OPCML: variants seen among roughly 807,000 people sequenced by gnomAD.
OPCML encodes opioid binding protein/cell adhesion molecule like.
Under a neutral mutation model 37.8 loss-of-function variants are expected in OPCML, and 13 were observed. That is an observed-to-expected ratio of 0.34 (90% CI 0.22 to 0.55). The LOEUF (loss-of-function observed/expected upper bound fraction) is 0.55. Among genes scored for constraint, OPCML ranks in the 20% least tolerant of loss-of-function variants. The pLI is 0.91. For missense variants in OPCML, 341 were observed against 435.6 expected (o/e 0.78, Z 1.93); for synonymous variants, 176 against 168.8 (o/e 1.04, Z -0.33).
chr11:132,708,851 G>A (rs1003942441), intron 2 of OPCML, among the ~76,000 whole-genome samples: 27 of 152,094 alleles, frequency 1.8e-4, no homozygotes, highest in African/African-American at 4.3e-4. Flanking sequence ...GATATTAAAC[G>A]ATAATGAAAA....
intron 1 of OPCML, among the ~76,000 whole-genome samples, chr11:133,141,053 A>G (rs904502064): frequency 1.1e-4 from 5 of 44,208 alleles, no homozygotes; most frequent in Non-Finnish European, 1.3e-4. Flanking sequence ...GACGACGAAG[A>G]AGAAGAAGAA....
At chr11:133,445,901 G>C (rs1177697707) in intron 1 of OPCML, among the ~76,000 whole-genome samples, 2 of 152,110 alleles carry the variant, frequency 1.3e-5, no homozygotes, top group Non-Finnish European at 2.9e-5. Flanking sequence ...ATGGGGCTGA[G>C]AAGGAAGGGG....
intron 1 of OPCML, among the ~76,000 whole-genome samples, chr11:133,051,182 C>T (rs896740063): frequency 6.6e-6 from 1 of 152,160 alleles, no homozygotes; most frequent in African/African-American, 2.4e-5. Context: ...CCCATTCGGA[C>T]TAATAACAAT....
At chr11:133,243,915 C>G (rs917993611) in intron 1 of OPCML, among the ~76,000 whole-genome samples, 10 of 152,110 alleles carry the variant, frequency 6.6e-5, no homozygotes, top group African/African-American at 2.4e-4. Context: ...TGGAGGTGGG[C>G]GAGGGAGCTG....
intron 2 of OPCML, among the ~76,000 whole-genome samples, chr11:132,826,267 T>C (rs1451528581): frequency 1.3e-5 from 2 of 152,232 alleles, no homozygotes; most frequent in African/African-American, 2.4e-5. Context: ...TTGGAAACTA[T>C]GAAAAATGCA....
intron 4 of OPCML, among the ~76,000 whole-genome samples, chr11:132,491,160 C>T (rs1231872065): frequency 2.6e-5 from 4 of 152,252 alleles, no homozygotes; most frequent in Non-Finnish European, 1.5e-5. Context: ...CAACTCCTCA[C>T]TGGCTTCCTG....
intron 2 of OPCML, among the ~76,000 whole-genome samples, chr11:132,721,139 C>T (rs190433904): frequency 1.3e-4 from 20 of 152,122 alleles, no homozygotes; most frequent in Admixed American, 4.6e-4. Context: ...CATTATGTGC[C>T]AGGGTGTTTA....
rs2135772467 is a variant in OPCML at position 132,657,117 on chromosome 11, T to G, written c.349A>C (p.Lys117Gln). The change falls in exon 3 of 8, where the codon AAA becomes CAA. Residue 117 changes from lysine to glutamine, a missense_variant. Coordinates refer to ENST00000524381, the MANE Select transcript of OPCML (RefSeq NM_001012393.5). ...ACTATTAGGTGAACCCGGGACGTTT[T>G]GGGATGATTGTCTGTCTGCACAGAG... ...TCSVQTDNHP[K>Q]TSRVHLIVQV... The G allele has an allele frequency of 2.5e-6, 4 of 1,614,228 alleles. No homozygotes were observed. In the East Asian group the frequency reaches 8.9e-5, roughly 36 times the overall value.
intron 1 of OPCML, among the ~76,000 whole-genome samples, chr11:133,449,232 A>C (rs886241309): frequency 2.6e-4 from 40 of 152,370 alleles, no homozygotes; most frequent in African/African-American, 9.4e-4. Context: ...ACCAAAGATC[A>C]ACAAGCTTTT....
chr11:133,496,567 G>T (rs1173569313), intron 1 of OPCML, among the ~76,000 whole-genome samples: 1 of 152,126 alleles, frequency 6.6e-6, no homozygotes, highest in East Asian at 1.9e-4. Context: ...TGTCATCTAT[G>T]ATTTCTTTCA....
At chr11:133,024,989 C>T (rs1947524791) in intron 1 of OPCML, 3 of 985,274 alleles carry the variant, frequency 3.0e-6, no homozygotes, top group African/African-American at 1.7e-5. Context: ...ACACACTGCC[C>T]TGATAATTCT....
chr11:133,517,301 T>C (rs923739841), intron 1 of OPCML, among the ~76,000 whole-genome samples: 17 of 152,402 alleles, frequency 1.1e-4, no homozygotes, highest in Admixed American at 9.8e-4. Context: ...AGTAGTAACC[T>C]ATATACATCA....
At chr11:132,689,755 A>T (rs1943324878) in intron 2 of OPCML, among the ~76,000 whole-genome samples, 1 of 152,208 alleles carries the variant, frequency 6.6e-6, no homozygotes, top group African/African-American at 2.4e-5. Flanking sequence ...AAGTAGCTGA[A>T]CCTTAAGAGG....
At chr11:133,018,233 G>A (rs1317139345) in intron 1 of OPCML, among the ~76,000 whole-genome samples, 5 of 152,182 alleles carry the variant, frequency 3.3e-5, no homozygotes, top group African/African-American at 1.2e-4. Context: ...CTGGAGCAAA[G>A]AAATTGGCCC....
chr11:133,288,688 G>A lies in OPCML; in HGVS notation c.61+243576C>T, dbSNP rs116817150. Among the ~76,000 whole-genome samples the A allele has an allele frequency of 4.0e-3, 615 of 152,266 alleles. 6 individuals are homozygous for A. The highest frequency in any genetic ancestry group is 0.014 in the African/African-American group (584 of 41,562). Reference sequence around the variant, plus strand: ...TAAATCAGAATCCCTTGGGGGTGCCGAGGGAAAAGCCCCTGAACACCACTG... The same window carrying A: ...TAAATCAGAATCCCTTGGGGGTGCCAAGGGAAAAGCCCCTGAACACCACTG... On this transcript the variant is annotated intron_variant, in intron 1 of 7. Coordinates refer to ENST00000524381, the MANE Select transcript of OPCML (RefSeq NM_001012393.5).
intron 7 of OPCML, among the ~76,000 whole-genome samples, chr11:132,428,091 G>T (rs1244152551): frequency 6.6e-6 from 1 of 152,196 alleles, no homozygotes; most frequent in African/African-American, 2.4e-5. Flanking sequence ...ATCATGTGAT[G>T]AACGTCTTCC....
chr11:132,464,977 A>G (rs147974702), intron 4 of OPCML, among the ~76,000 whole-genome samples: 2 of 152,342 alleles, frequency 1.3e-5, no homozygotes, highest in East Asian at 3.9e-4. Context: ...AGGTGTGTAT[A>G]TACATATCGA....
intron 1 of OPCML, among the ~76,000 whole-genome samples, chr11:133,479,037 G>C (rs1947314025): frequency 6.6e-6 from 1 of 152,150 alleles, no homozygotes; most frequent in Admixed American, 6.5e-5. Context: ...CTGTATAATG[G>C]AGATGATAAC....
intron 1 of OPCML, among the ~76,000 whole-genome samples, chr11:133,527,654 T>A (rs1156261200): frequency 6.6e-6 from 1 of 152,198 alleles, no homozygotes; most frequent in Non-Finnish European, 1.5e-5. Flanking sequence ...TGAGTTTTTT[T>A]ATAATAAAAA....
Sources: gnomAD v4.1 joint callset for allele counts (sites outside exome capture counted in the v4.1 genomes callset) on GRCh38, gnomAD v4.1.1 for gene constraint, MANE v1.5 for transcripts, NCBI Gene and HGNC (gene_info 2026-07-23, HGNC 2026-07-21) for gene names.